Variants in NRXN3 observed in about 807,000 individuals in gnomAD.
NRXN3 encodes the protein neurexin 3, also known as neurexin III.
Under a neutral mutation model 137.6 loss-of-function variants are expected in NRXN3, and 32 were observed. The observed-to-expected ratio is 0.23, with a 90% CI of 0.18 to 0.31. NRXN3 has a LOEUF of 0.31. Ranked by LOEUF, NRXN3 falls within the 10% of genes least tolerant of loss-of-function variation. NRXN3 has a pLI of 1.00. For missense variants in NRXN3, 1,574 were observed against 2,062.5 expected (o/e 0.76, Z 4.59); for synonymous variants, 798 against 784.5 (o/e 1.02, Z -0.29).
intron 9 of NRXN3, among the ~76,000 whole-genome samples, chr14:78,806,045 CTT>C (rs202241378): frequency 0.015 from 1,245 of 83,572 alleles, 7 homozygotes; most frequent in Non-Finnish European, 0.025. Context: ...ATAGACTTTG[CTT>C]TTTTTTTTTT....
chr14:79,279,813 A>T (rs2080954819), intron 15 of NRXN3: 1 of 991,494 alleles, frequency 1.0e-6, no homozygotes, highest in Non-Finnish European at 1.2e-6. Context: ...ACAGGAAAAT[A>T]AAAATGTTCA....
intron 4 of NRXN3, among the ~76,000 whole-genome samples, chr14:78,504,543 G>C (rs1329598835): frequency 6.6e-6 from 1 of 152,116 alleles, no homozygotes; most frequent in Non-Finnish European, 1.5e-5. Flanking sequence ...CTCTGTGTAT[G>C]GGGAAGGGGC....
chr14:79,861,912 C>A lies in NRXN3; in HGVS notation c.4664C>A (p.Ser1555Ter). 6.2e-7 allele frequency: 1 copy of A among 1,613,746 alleles called. No homozygotes were observed. Among genetic ancestry groups the A allele is most frequent in the Non-Finnish European group, 8.5e-7 (1 of 1,179,870 alleles). ...GTLMKEKQQS[S>*]KSGHKKQKNK... ...CTCATGAAGGAGAAGCAGCAGAGCT[C>A]GAAGAGCGGCCACAAGAAACAGAAA... Residue 1555 changes from serine (S) to a stop codon, truncating the protein, a stop_gained, in exon 21 of 21, where the codon TCG becomes TAG. Transcript: ENST00000335750. LOFTEE classifies it high-confidence loss of function. The surrounding 1 kb of genome is among the most constrained non-coding windows in gnomAD (Gnocchi z 5.4).
chr14:78,817,367 C>T (rs2098936993), intron 10 of NRXN3, among the ~76,000 whole-genome samples: 1 of 151,996 alleles, frequency 6.6e-6, no homozygotes, highest in Admixed American at 6.5e-5. Context: ...AAGTGGTTTC[C>T]AAAAGAGAGT....
At chr14:79,441,414 C>G (rs1046013132) in intron 15 of NRXN3, among the ~76,000 whole-genome samples, 4 of 110,822 alleles carry the variant, frequency 3.6e-5, no homozygotes, top group African/African-American at 6.8e-5. Context: ...GAGTCTCGCT[C>G]TGTTGTCCAG....
chr14:78,836,967 C>T (rs2098998903), intron 10 of NRXN3, among the ~76,000 whole-genome samples: 1 of 152,098 alleles, frequency 6.6e-6, no homozygotes, highest in African/African-American at 2.4e-5. Flanking sequence ...ATCAGTTGCT[C>T]CCTCCTTTGA....
chr14:79,777,481 A>AG (rs1425157506), intron 19 of NRXN3, among the ~76,000 whole-genome samples: 2 of 151,994 alleles, frequency 1.3e-5, no homozygotes, highest in African/African-American at 2.4e-5. Flanking sequence ...TTTTCTAAAA[A>AG]AAAAAAAAGG....
chr14:79,856,522 C>T (rs2099402865), intron 20 of NRXN3, among the ~76,000 whole-genome samples: 1 of 152,118 alleles, frequency 6.6e-6, no homozygotes, highest in Non-Finnish European at 1.5e-5. Context: ...CAGAGTCTCA[C>T]TGTTCAGCAT....
chr14:78,759,753 G>A (rs1198144688), intron 8 of NRXN3, among the ~76,000 whole-genome samples: 1 of 152,216 alleles, frequency 6.6e-6, no homozygotes, highest in Admixed American at 6.5e-5. Context: ...TTAAGGAAAA[G>A]CTTAACAGAA....
chr14:78,505,204 A>G (rs915249491), intron 4 of NRXN3, among the ~76,000 whole-genome samples: 13 of 151,954 alleles, frequency 8.6e-5, no homozygotes, highest in African/African-American at 2.9e-4. Context: ...TTTTTTTAAG[A>G]TGAGGTGGAA....
chr14:78,988,771 A>ATGTG lies in NRXN3; in HGVS notation c.3262+642_3262+645dup, dbSNP rs72539794. On this transcript the variant is annotated intron_variant, in intron 15 of 20. Coordinates refer to ENST00000335750, the MANE Select transcript of NRXN3 (RefSeq NM_001330195.2). ...ATTCTGTATGTATGTGTGTATATATATGTGTGTGTGTGTGTATATATATGT... is the reference window on the plus strand; with the variant it reads ...ATTCTGTATGTATGTGTGTATATATATGTGTGTGTGTGTGTGTGTATATATATGT... Among the ~76,000 whole-genome samples, 1,146 of 149,314 alleles carry ATGTG rather than the reference A, an allele frequency of 7.7e-3. 13 individuals are homozygous for ATGTG. Among genetic ancestry groups the ATGTG allele is most frequent in the African/African-American group, 0.028 (1,091 of 39,376 alleles).
chr14:78,238,620 T>C (rs2066664011), intron 1 of NRXN3, among the ~76,000 whole-genome samples: 1 of 152,220 alleles, frequency 6.6e-6, no homozygotes, highest in African/African-American at 2.4e-5. Context: ...AAACTAGGAA[T>C]GAAAAGGAAG....
intron 16 of NRXN3, among the ~76,000 whole-genome samples, chr14:79,487,982 G>A (rs1321886025): frequency 6.6e-6 from 1 of 152,106 alleles, no homozygotes; most frequent in Admixed American, 6.5e-5. Flanking sequence ...TTATTAATGG[G>A]CCTTCATACC....
At chr14:78,891,105 A>G (rs1037782294) in intron 10 of NRXN3, among the ~76,000 whole-genome samples, 1 of 151,844 alleles carries the variant, frequency 6.6e-6, no homozygotes, top group Non-Finnish European at 1.5e-5. Flanking sequence ...GTGGAATAAG[A>G]CTTCTAAGCC....
At chr14:79,194,294 C>A (rs2064839243) in intron 15 of NRXN3, among the ~76,000 whole-genome samples, 1 of 152,188 alleles carries the variant, frequency 6.6e-6, no homozygotes, top group African/African-American at 2.4e-5. Context: ...AATGCCAGAA[C>A]CTTCTTTTTC....
At chr14:79,652,070 G>A (rs2098479052) in intron 16 of NRXN3, among the ~76,000 whole-genome samples, 1 of 152,164 alleles carries the variant, frequency 6.6e-6, no homozygotes, top group African/African-American at 2.4e-5. Flanking sequence ...AGTGGACACA[G>A]AGGTGCTTAG....
At chr14:78,205,002 A>C (rs544282266) in intron 1 of NRXN3, among the ~76,000 whole-genome samples, 9 of 152,264 alleles carry the variant, frequency 5.9e-5, no homozygotes, top group Admixed American at 1.3e-4. Context: ...GTAGCTTTCT[A>C]TCTGACCTTC....
intron 4 of NRXN3, among the ~76,000 whole-genome samples, chr14:78,532,856 A>G (rs2096487328): frequency 6.6e-6 from 1 of 151,750 alleles, no homozygotes; most frequent in Non-Finnish European, 1.5e-5. Flanking sequence ...TTTTCCACCA[A>G]ACTTGCTATT....
chr14:79,337,163 A>G (rs2092319164), intron 15 of NRXN3, among the ~76,000 whole-genome samples: 1 of 152,166 alleles, frequency 6.6e-6, no homozygotes, highest in Non-Finnish European at 1.5e-5. Flanking sequence ...ATTTAAGTTG[A>G]ACTTCATGTG....
Sources: allele counts gnomAD v4.1 joint callset (sites outside exome capture counted in the v4.1 genomes callset), GRCh38; gene constraint gnomAD v4.1.1; non-coding constraint Gnocchi (gnomAD v3.1); transcripts MANE v1.5; gene names NCBI Gene and HGNC (gene_info 2026-07-23, HGNC 2026-07-21).